The following BSPH1 variants were observed in gnomAD, a reference collection of about 807,000 sequenced individuals.
BSPH1 encodes the protein binder of sperm 1.
Under a neutral mutation model 22.5 loss-of-function variants are expected in BSPH1, and 21 were observed. That is an observed-to-expected ratio of 0.93 (90% confidence interval 0.66 to 1.35). The LOEUF (loss-of-function observed/expected upper bound fraction) is 1.35. BSPH1 is among the 40% of genes most tolerant of loss of function. The pLI is 0.00. For synonymous variants in BSPH1, 42 were observed against 53.6 expected, an observed-to-expected ratio of 0.78 and a Z score of 0.95; for missense variants, 141 against 154.2, an observed-to-expected ratio of 0.91 and a Z score of 0.45.
chr19:47,970,755 A>T (rs1416340668), intron 5 of BSPH1, among the ~76,000 whole-genome samples: 1 of 152,132 alleles, frequency 6.6e-6, no homozygotes, highest in Non-Finnish European at 1.5e-5. Flanking sequence ...ATGTGCCGTG[A>T]TGTGGCAATG....
At chr19:47,967,724 C>A (rs753680794), downstream of BSPH1, among the ~76,000 whole-genome samples, 14 of 152,180 alleles carry the variant, frequency 9.2e-5, no homozygotes, top group Non-Finnish European at 2.1e-4. Flanking sequence ...CAGTTGCATT[C>A]CGAGGTCCTG....
intron 5 of BSPH1, among the ~76,000 whole-genome samples, chr19:47,971,766 T>G (rs1381533733): frequency 6.6e-6 from 1 of 152,184 alleles, no homozygotes; most frequent in East Asian, 1.9e-4. Context: ...ATTGCCCTAA[T>G]TTTTAGCATA....
chr19:47,969,641 C>A (rs1359749332), intron 5 of BSPH1, among the ~76,000 whole-genome samples: 4 of 141,822 alleles, frequency 2.8e-5, no homozygotes, highest in African/African-American at 1.1e-4. Context: ...TAAGGAACAG[C>A]AGATTGTAGG....
intron 1 of BSPH1, among the ~76,000 whole-genome samples, chr19:47,986,743 T>TA (rs3083228): frequency 0.089 from 11,272 of 127,316 alleles, 475 homozygotes; most frequent in East Asian, 0.2. Context: ...AGACCCTATC[T>TA]AAAAATAAAA....
intron 1 of BSPH1, among the ~76,000 whole-genome samples, chr19:47,987,368 C>T (rs144532288): frequency 9.3e-5 from 14 of 151,082 alleles, no homozygotes; most frequent in Admixed American, 9.3e-4. Flanking sequence ...ACACGTACTA[C>T]ATGTACTTAG....
intron 1 of BSPH1, among the ~76,000 whole-genome samples, chr19:47,984,981 C>A (rs569601309): frequency 4.7e-5 from 7 of 149,968 alleles, no homozygotes; most frequent in Non-Finnish European, 8.9e-5. Context: ...GCAGGAGAAT[C>A]GCTTGAACCT....
At chr19:47,991,944 C>T (rs896521534) in intron 1 of BSPH1, 65 bp downstream of exon 1, 13 of 1,076,092 alleles carry the variant, frequency 1.2e-5, no homozygotes, top group Non-Finnish European at 1.4e-5. Flanking sequence ...TCCTTCCTTG[C>T]TCTCACTCTG....
rs538421055 is a variant in BSPH1, at chr19:47,974,158, G to A, written c.*2+2552C>T. Among the ~76,000 whole-genome samples the A allele has an allele frequency of 8.6e-5, 13 of 151,996 alleles. No homozygotes were observed. The South Asian group carries it at 1.5e-3, about 17-fold the overall frequency. ...TCCTTTCCCTTTGCTTTCTACTTGG[G>A]CTTGACCAATGGGATGCACTGGCAG... On this transcript the variant is annotated intron_variant, in intron 5 of 5. Transcript: ENST00000344839.
At chr19:47,977,529 T>C (rs772685776) in intron 3 of BSPH1, 25 bp from the exon 4 acceptor site, 26 of 1,550,280 alleles carry the variant, frequency 1.7e-5, no homozygotes, top group Non-Finnish European at 2.3e-5. Flanking sequence ...ATTCTTCCTC[T>C]GTTTCTGGGT....
At chr19:47,990,558 C>T (rs1337371463) in intron 1 of BSPH1, among the ~76,000 whole-genome samples, 1 of 151,148 alleles carries the variant, frequency 6.6e-6, no homozygotes, top group African/African-American at 2.4e-5. Flanking sequence ...AAGCAGTGGT[C>T]ATAGTTACAT....
chr19:47,970,240 G>A (rs1477446652), intron 5 of BSPH1, among the ~76,000 whole-genome samples: 1 of 152,020 alleles, frequency 6.6e-6, no homozygotes, highest in East Asian at 1.9e-4. Context: ...CGTATTTTTA[G>A]TAGAGACTGG....
intron 5 of BSPH1, among the ~76,000 whole-genome samples, chr19:47,969,684 G>GGAGAGAGAGAGAGAGAGAGAGAGAGAGA (rs10589898): frequency 2.6e-5 from 3 of 113,876 alleles, no homozygotes; most frequent in South Asian, 3.3e-4. Flanking sequence ...AGGGAGAGGG[G>GGAGAGAGAGAGAGAGAGAGAGAGAGAGA]GAGAGAGAGA....
At chr19:47,987,341 C>T in intron 1 of BSPH1, among the ~76,000 whole-genome samples, 1 of 151,700 alleles carries the variant, frequency 6.6e-6, no homozygotes, top group South Asian at 2.1e-4. Context: ...ATTTTATCTA[C>T]TGTTCTTTGT....
intron 1 of BSPH1, among the ~76,000 whole-genome samples, chr19:47,988,322 C>A (rs1038500807): frequency 1.3e-5 from 2 of 152,188 alleles, no homozygotes; most frequent in Non-Finnish European, 2.9e-5. Context: ...GTCACGCATG[C>A]TAACCCATTT....
intron 5 of BSPH1, among the ~76,000 whole-genome samples, chr19:47,970,086 TCTCA>T (rs1298911746): frequency 2.0e-5 from 3 of 152,006 alleles, no homozygotes; most frequent in Non-Finnish European, 2.9e-5. Flanking sequence ...TGAGATGGAG[TCTCA>T]CTCTGTCACT....
chr19:47,975,315 G>C (rs1444414653), intron 5 of BSPH1, among the ~76,000 whole-genome samples: 6 of 152,168 alleles, frequency 3.9e-5, no homozygotes, highest in Non-Finnish European at 7.3e-5. Flanking sequence ...ACAGGCGTCA[G>C]CCACCGCTCC....
chr19:47,970,955 CA>C (rs1447919918), intron 5 of BSPH1, among the ~76,000 whole-genome samples: 2 of 152,110 alleles, frequency 1.3e-5, no homozygotes, highest in Non-Finnish European at 1.5e-5. Context: ...TGCATGGTTA[CA>C]AAAATAATGC....
chr19:47,971,329 C>T (rs961016097), intron 5 of BSPH1, among the ~76,000 whole-genome samples: 1 of 152,130 alleles, frequency 6.6e-6, no homozygotes, highest in Non-Finnish European at 1.5e-5. Flanking sequence ...CCTCAGCCTC[C>T]GGAGTAGCTG....
At chr19:47,980,799 T>C (rs1969413059) in intron 2 of BSPH1, 122 bp downstream of exon 2, 5 of 622,826 alleles carry the variant, frequency 8.0e-6, no homozygotes, top group Non-Finnish European at 1.4e-5. Context: ...TATAAGTACA[T>C]AAAATAGTAA....
Sources: allele counts gnomAD v4.1 joint callset (sites outside exome capture counted in the v4.1 genomes callset), GRCh38; gene constraint gnomAD v4.1.1; transcripts MANE v1.5; gene names NCBI Gene and HGNC (gene_info 2026-07-23, HGNC 2026-07-21).